GTPBP2: variants seen among roughly 807,000 people sequenced by gnomAD.
GTPBP2 encodes GTP binding protein 2.
A neutral mutation model predicts 63.0 loss-of-function variants in GTPBP2; 32 were observed. The ratio of observed to expected loss-of-function variants is 0.51; its 90% CI spans 0.38 to 0.68. The LOEUF (loss-of-function observed/expected upper bound fraction) is 0.68. Among genes scored for constraint, GTPBP2 ranks in the 30% least tolerant of loss-of-function variants. GTPBP2 has a pLI of 0.00. For missense variants in GTPBP2, 492 were observed against 796.9 expected (o/e 0.62, Z 4.61); for synonymous variants, 310 against 322.6 (o/e 0.96, Z 0.42).
intron 9 of GTPBP2, chr6:43,623,477 G>C (rs566715965): frequency 1.9e-6 from 1 of 540,364 alleles, no homozygotes; most frequent in African/African-American, 1.9e-5. Context: ...ATACACTCTA[G>C]TTTTCTTCCT....
chr6:43,630,107 A>G (rs1301264154), upstream of GTPBP2, among the ~76,000 whole-genome samples: 2 of 152,208 alleles, frequency 1.3e-5, no homozygotes, highest in Non-Finnish European at 2.9e-5. Flanking sequence ...GGGCGGGGCT[A>G]GGGCTCGGGT....
intron 9 of GTPBP2, chr6:43,623,398 G>A (rs1031703315): frequency 1.9e-5 from 5 of 257,028 alleles, no homozygotes; most frequent in East Asian, 9.1e-5. Context: ...TCAAAAAAAA[G>A]AAAGAAAGAA....
Position 43,629,234 on chromosome 6 carries a change from C to T in GTPBP2, c.-72G>A. ...CCGCCGTCGCCGCCGCCCTTACTGCCACTGCCGTGTCCGGCCGGCCTGAGC... is the reference window on the plus strand; with the variant it reads ...CCGCCGTCGCCGCCGCCCTTACTGCTACTGCCGTGTCCGGCCGGCCTGAGC... On this transcript the variant is annotated 5_prime_UTR_variant, in exon 1 of 12. Coordinates refer to ENST00000307126, the MANE Select transcript of GTPBP2 (RefSeq NM_019096.5). 4 of 1,116,388 alleles carry T rather than the reference C, an allele frequency of 3.6e-6. No individual in the cohort carries two copies. The highest frequency in any genetic ancestry group is 4.7e-6 in the Non-Finnish European group (4 of 855,994). The allele number at this position is 1,116,388 out of a possible 1,614,324, so 69.2% of individuals were successfully genotyped here.
At position 43,625,329 on chromosome 6, in the gene GTPBP2, T is replaced by C. The variant is rs1056671481; in HGVS notation, c.705+34A>G. The C allele has an allele frequency of 3.8e-6, 6 of 1,587,502 alleles. No homozygotes were observed. The Admixed American group carries it at 6.7e-5, about 18-fold the overall frequency. ...CACTACTACCATCCCATCCTCAGAG[T>C]CTGGCCCCATTGGGTCCCATTGATC... On this transcript the variant is annotated intron_variant, in intron 5 of 11. Transcript: ENST00000307126. The surrounding 1 kb of genome is among the most constrained non-coding windows in gnomAD (Gnocchi z 5.1).
rs1462230285 is a variant in GTPBP2, at chr6:43,624,877, A to T, written c.880+11T>A. The T allele has an allele frequency of 6.2e-7, 1 of 1,613,672 alleles. No individual in the cohort carries two copies. The highest frequency in any genetic ancestry group is 1.7e-5 in the Admixed American group (1 of 60,012). On this transcript the variant is annotated intron_variant, in intron 6 of 11. Coordinates refer to ENST00000307126, the MANE Select transcript of GTPBP2 (RefSeq NM_019096.5). The surrounding 1 kb of genome is among the most constrained non-coding windows in gnomAD (Gnocchi z 5.1). ...CCCCTTCAGCCCTGTCCCTGCCCTA[A>T]TGCCTCGTACCAATCCCAGTGTTGG...
upstream of GTPBP2, chr6:43,629,817 AT>A: frequency 6.4e-7 from 1 of 1,550,630 alleles, no homozygotes; most frequent in Non-Finnish European, 8.7e-7. Flanking sequence ...GATTAGCCAA[AT>A]TACGGCTGTT....
chr6:43,624,175 C>G lies in GTPBP2; in HGVS notation c.1101-107G>C, dbSNP rs1027501747. 10 of 969,328 alleles carry G rather than the reference C, an allele frequency of 1.0e-5. No individual in the cohort carries two copies. The highest frequency in any genetic ancestry group is 8.3e-5 in the South Asian group (5 of 60,144). The allele number at this position is 969,328 out of a possible 1,614,324, so 60.0% of individuals were successfully genotyped here. A position where few individuals can be genotyped will look rare whatever the true frequency, so the allele number is the denominator to read the frequency against. On this transcript the variant is annotated intron_variant, in intron 7 of 11. Coordinates refer to ENST00000307126, the MANE Select transcript of GTPBP2 (RefSeq NM_019096.5). The surrounding 1 kb of genome is among the most constrained non-coding windows in gnomAD (Gnocchi z 5.1). ...AGCTTTGTTCTGGCTGGGGGCCCCT[C>G]TCTCCTGTCTGCAAATGGCTCAGGA...
chr6:43,630,471 G>T (rs1769839235), upstream of GTPBP2, among the ~76,000 whole-genome samples: 1 of 152,118 alleles, frequency 6.6e-6, no homozygotes, highest in Non-Finnish European at 1.5e-5. Flanking sequence ...CGGGTGCGGT[G>T]CCTCACGCCT....
At position 43,624,446 on chromosome 6, in the gene GTPBP2, C is replaced by T; in HGVS notation, c.1100+64G>A. ...CCTGGAGAAGTAGGATATCATGCTTCTGGGCCCTGGGCTCTGTGGCAGCCT... is the reference window on the plus strand; with the variant it reads ...CCTGGAGAAGTAGGATATCATGCTTTTGGGCCCTGGGCTCTGTGGCAGCCT... On this transcript the variant is annotated intron_variant, in intron 7 of 11. Coordinates refer to ENST00000307126, the MANE Select transcript of GTPBP2 (RefSeq NM_019096.5). The surrounding 1 kb of genome is among the most constrained non-coding windows in gnomAD (Gnocchi z 5.1). The T allele has an allele frequency of 8.3e-7, 1 of 1,199,970 alleles. No individual in the cohort carries two copies. The highest frequency in any genetic ancestry group is 2.4e-5 in the East Asian group (1 of 42,486). 74.3% of individuals were successfully genotyped at this position (1,199,970 alleles called of 1,614,324 possible). A position where few individuals can be genotyped will look rare whatever the true frequency, so the allele number is the denominator to read the frequency against.
Position 43,629,067 on chromosome 6 carries a change from G to C in GTPBP2, c.96C>G (p.Ser32Arg), listed in dbSNP as rs1769699594. The change falls in exon 1 of 12, where the codon AGC becomes AGG. Residue 32 changes from serine to arginine, a missense_variant. Physicochemically the swap from Ser to Arg is moderately radical, Grantham distance 110. This residue lies in a region of GTPBP2 where 92 missense variants were observed against 86.1 expected (regional missense o/e 1.07). Coordinates refer to ENST00000307126, the MANE Select transcript of GTPBP2 (RefSeq NM_019096.5). ...CCTTTGGCCCCCCGCAGCCGCTGCT[G>C]CTGCCGGCCCCCCTAGCCTTGAGGG... is the stretch of plus-strand genomic sequence containing the variant. ...GGTLKARGAGSSSGCGGPKGK... is the reference protein window; with the variant it reads ...GGTLKARGAGRSSGCGGPKGK... 6.2e-7 allele frequency: 1 copy of C among 1,604,048 alleles called. No homozygotes were observed. The highest frequency in any genetic ancestry group is 1.3e-5 in the African/African-American group (1 of 74,616).
upstream of GTPBP2, among the ~76,000 whole-genome samples, chr6:43,630,637 C>A (rs1271187408): frequency 1.3e-5 from 2 of 151,472 alleles, no homozygotes; most frequent in African/African-American, 4.9e-5. Flanking sequence ...CGGCTGCTCG[C>A]GAGGCTGAGG....
intron 1 of GTPBP2, chr6:43,627,316 G>A: frequency 9.5e-7 from 1 of 1,051,212 alleles, no homozygotes; most frequent in Non-Finnish European, 1.1e-6. Context: ...TCTGTGCCCA[G>A]GCTGTTAAAA....
chr6:43,624,776 A>G lies in GTPBP2; in HGVS notation c.881-47T>C, dbSNP rs752118299. On this transcript the variant is annotated intron_variant, in intron 6 of 11. Coordinates refer to ENST00000307126, the MANE Select transcript of GTPBP2 (RefSeq NM_019096.5). This position sits in a 1 kb window ranked among gnomAD's most constrained non-coding sequence, Gnocchi z 5.1. ...CAGCAGGAGAGAAGAGTGAGAATGC[A>G]GGAGGGAGGAGAGGGAAGAAGAGGA... is the stretch of plus-strand genomic sequence containing the variant. 2.5e-6 allele frequency: 4 copies of G among 1,593,416 alleles called. No homozygotes were observed. The highest frequency in any genetic ancestry group is 8.6e-7 in the Non-Finnish European group (1 of 1,162,128).
At position 43,629,048 on chromosome 6, in the gene GTPBP2, GC is replaced by G. The variant is rs755653236; in HGVS notation, c.114del (p.Pro39GlnfsTer34). The G allele has an allele frequency of 1.4e-5, 23 of 1,610,456 alleles. No individual in the cohort carries two copies. Among genetic ancestry groups the G allele is most frequent in the Non-Finnish European group, 1.8e-5 (21 of 1,178,620 alleles). ...RGAGSSSGCG[G>X]PKGKKKNGRN... ...CTTCCGTTCTTCTTCTTTCCCTTTG[GC>G]CCCCCGCAGCCGCTGCTGCTGCCGG... is the stretch of plus-strand genomic sequence containing the variant. On this transcript the variant is annotated frameshift_variant, in exon 1 of 12. Coordinates refer to ENST00000307126, the MANE Select transcript of GTPBP2 (RefSeq NM_019096.5). LOFTEE classifies it high-confidence loss of function.
At position 43,626,114 on chromosome 6, in the gene GTPBP2, T is replaced by G. The variant is rs1582350478; in HGVS notation, c.398+112A>C. On this transcript the variant is annotated intron_variant, in intron 3 of 11. Transcript: ENST00000307126. This position sits in a 1 kb window ranked among gnomAD's most constrained non-coding sequence, Gnocchi z 4.0. ...ACACTAACCCTCCCCACTTCAGCCC[T>G]TTGTCAAGAGAAGGAAAGTCCCACC... is the stretch of plus-strand genomic sequence containing the variant. 3 of 1,046,806 alleles carry G rather than the reference T, an allele frequency of 2.9e-6. No individual in the cohort carries two copies. The East Asian group carries it at 7.1e-5, about 25-fold the overall frequency. The allele number at this position is 1,046,806 out of a possible 1,614,324, so 64.8% of individuals were successfully genotyped here. A position where few individuals can be genotyped will look rare whatever the true frequency, so the allele number is the denominator to read the frequency against.
Position 43,629,047 on chromosome 6 carries a change from G to A in GTPBP2, c.116C>T (p.Pro39Leu). 12 of 1,611,722 alleles carry A rather than the reference G, an allele frequency of 7.4e-6. No individual in the cohort carries two copies. Among genetic ancestry groups the A allele is most frequent in the Admixed American group, 1.7e-5 (1 of 59,752 alleles). ...CCTTCCGTTCTTCTTCTTTCCCTTT[G>A]GCCCCCCGCAGCCGCTGCTGCTGCC... is the stretch of plus-strand genomic sequence containing the variant. ...GAGSSSGCGG[P>L]KGKKKNGRNR... The change falls in exon 1 of 12, where the codon CCA (proline) becomes CTA (leucine). Residue 39 changes from proline to leucine, a missense_variant. Coordinates refer to ENST00000307126, the MANE Select transcript of GTPBP2 (RefSeq NM_019096.5).
At position 43,624,161 on chromosome 6, in the gene GTPBP2, G is replaced by T; in HGVS notation, c.1101-93C>A. The T allele has an allele frequency of 8.0e-7, 1 of 1,257,608 alleles. No homozygotes were observed. Among genetic ancestry groups the T allele is most frequent in the East Asian group, 2.3e-5 (1 of 42,640 alleles). The allele number at this position is 1,257,608 out of a possible 1,614,324, so 77.9% of individuals were successfully genotyped here. On this transcript the variant is annotated intron_variant, in intron 7 of 11. Coordinates refer to ENST00000307126, the MANE Select transcript of GTPBP2 (RefSeq NM_019096.5). This position sits in a 1 kb window ranked among gnomAD's most constrained non-coding sequence, Gnocchi z 5.1. Reference sequence around the variant, plus strand: ...TACATGGAAAGGTGAGCTTTGTTCTGGCTGGGGGCCCCTCTCTCCTGTCTG... The same window carrying T: ...TACATGGAAAGGTGAGCTTTGTTCTTGCTGGGGGCCCCTCTCTCCTGTCTG...
chr6:43,621,309 AT>A lies in GTPBP2; in HGVS notation c.*304del. ...CCAGTCTTAGTAGTGGGGACGAAGA[AT>A]TGATGAGTGGATCCAGTCAGCTCCG... On this transcript the variant is annotated 3_prime_UTR_variant, in exon 12 of 12. Coordinates refer to ENST00000307126, the MANE Select transcript of GTPBP2 (RefSeq NM_019096.5). The A allele has an allele frequency of 1.2e-6, 1 of 840,626 alleles. No individual in the cohort carries two copies. The allele number at this position is 840,626 out of a possible 1,614,324, so 52.1% of individuals were successfully genotyped here.
Position 43,626,838 on chromosome 6 carries a change from AAAG to A in GTPBP2, c.213+81_213+83del. 1.4e-4 allele frequency: 156 copies of A among 1,128,876 alleles called. No homozygotes were observed. The highest frequency in any genetic ancestry group is 1.8e-4 in the Non-Finnish European group (143 of 773,420). 69.9% of individuals were successfully genotyped at this position (1,128,876 alleles called of 1,614,324 possible). On this transcript the variant is annotated intron_variant, in intron 2 of 11. Coordinates refer to ENST00000307126, the MANE Select transcript of GTPBP2 (RefSeq NM_019096.5). This position sits in a 1 kb window ranked among gnomAD's most constrained non-coding sequence, Gnocchi z 4.0. ...AGCAAAACTTCATCTCAAAAAAAAA[AAAG>A]AAAGAAAGAAAAAAGAAATTATCCC...
Sources: gnomAD v4.1 joint callset for allele counts (sites outside exome capture counted in the v4.1 genomes callset) on GRCh38, gnomAD v4.1.1 for gene constraint, gnomAD v4.1.1 regional missense constraint, Gnocchi (gnomAD v3.1) non-coding constraint, MANE v1.5 for transcripts, NCBI Gene and HGNC (gene_info 2026-07-23, HGNC 2026-07-21) for gene names.